The following KCNC2 variants were observed in gnomAD, a reference collection of about 807,000 sequenced individuals.
KCNC2 encodes the protein potassium voltage-gated channel subfamily C member 2, also known as voltage-gated potassium channel KCNC2.
KCNC2 carries 21 observed loss-of-function variants against 44.5 expected under a neutral mutation model. The observed-to-expected ratio is 0.47, with a 90% CI of 0.33 to 0.68. The LOEUF (loss-of-function observed/expected upper bound fraction) is 0.68, where lower values mean the gene tolerates loss of function less well. Among genes scored for constraint, KCNC2 ranks in the 30% least tolerant of loss-of-function variants. KCNC2 has a pLI of 0.01. For synonymous variants in KCNC2, 391 were observed against 339.1 expected (o/e 1.15, Z -1.68); for missense variants, 589 against 826.2 (o/e 0.71, Z 3.52).
At chr12:75,053,796 C>T (rs1881445993) in intron 2 of KCNC2, among the ~76,000 whole-genome samples, 1 of 146,264 alleles carries the variant, frequency 6.8e-6, no homozygotes, top group East Asian at 2.0e-4. Context: ...TTATATATAA[C>T]ATATATAAAT....
At chr12:75,190,581 C>T (rs2030108881) in intron 2 of KCNC2, among the ~76,000 whole-genome samples, 1 of 152,074 alleles carries the variant, frequency 6.6e-6, no homozygotes, top group African/African-American at 2.4e-5. Context: ...AACAAAATTG[C>T]ACATCAAAAA....
chr12:75,194,328 A>C (rs1207581883), intron 2 of KCNC2, among the ~76,000 whole-genome samples: 2 of 152,312 alleles, frequency 1.3e-5, no homozygotes, highest in East Asian at 3.9e-4. Context: ...CATCATGTGA[A>C]GATGGAGATG....
intron 2 of KCNC2, among the ~76,000 whole-genome samples, chr12:75,123,738 T>C (rs111489641): frequency 4.6e-5 from 7 of 152,274 alleles, no homozygotes; most frequent in African/African-American, 1.7e-4. Flanking sequence ...GGTGGAAAAC[T>C]TGGAGACCTG....
intron 2 of KCNC2, among the ~76,000 whole-genome samples, chr12:75,063,592 G>C (rs769498901): frequency 3.9e-5 from 6 of 152,082 alleles, no homozygotes; most frequent in Non-Finnish European, 8.8e-5. Flanking sequence ...GAGGGTGATG[G>C]TGGGGGAGAG....
chr12:75,092,674 A>G lies in KCNC2; in HGVS notation c.688-41357T>C, dbSNP rs1430482676. On this transcript the variant is annotated intron_variant, in intron 2 of 4. Transcript: ENST00000549446. Reference sequence around the variant, plus strand: ...ACTCAATTGTACAAAACTCTAAACAACACAAAAACATTAAAATTTTATAGT... The same window carrying G: ...ACTCAATTGTACAAAACTCTAAACAGCACAAAAACATTAAAATTTTATAGT... 4.6e-5 allele frequency among the ~76,000 whole-genome samples: 7 copies of G among 151,652 alleles called. No homozygotes were observed. In the East Asian group the frequency reaches 1.4e-3, roughly 29 times the overall value.
In KCNC2 at chr12:75,081,876, A is replaced by C. The variant is rs1221220390; in HGVS notation, c.688-30559T>G. On this transcript the variant is annotated intron_variant, in intron 2 of 4. Transcript: ENST00000549446. ...AACTGATTGTTACCTAGACACCTAA[A>C]CTGTACCAAATCTACAAGAGCCTTT... Among the ~76,000 whole-genome samples the C allele has an allele frequency of 2.0e-5, 3 of 151,990 alleles. No homozygotes were observed. In the East Asian group the frequency reaches 5.8e-4, roughly 29 times the overall value.
At chr12:75,117,321 G>T (rs1245342272) in intron 2 of KCNC2, among the ~76,000 whole-genome samples, 1 of 152,112 alleles carries the variant, frequency 6.6e-6, no homozygotes, top group Non-Finnish European at 1.5e-5. Context: ...GGCTGGTCCT[G>T]CATTTCTTTT....
At chr12:75,151,045 A>T (rs115477632) in intron 2 of KCNC2, among the ~76,000 whole-genome samples, 1 of 152,086 alleles carries the variant, frequency 6.6e-6, no homozygotes, top group African/African-American at 2.4e-5. Flanking sequence ...TTTTATCTTA[A>T]CAGTTTTTGC....
chr12:75,109,988 G>GA (rs5799210), intron 2 of KCNC2, among the ~76,000 whole-genome samples: 27,868 of 151,406 alleles, frequency 0.18, 2,764 homozygotes, highest in Middle Eastern at 0.27. Context: ...AAAACACAGA[G>GA]AAAAAATACA....
At chr12:75,118,857 C>A (rs998664030) in intron 2 of KCNC2, among the ~76,000 whole-genome samples, 1 of 152,142 alleles carries the variant, frequency 6.6e-6, no homozygotes, top group Admixed American at 6.5e-5. Flanking sequence ...GAACATCTAA[C>A]CGGACAGAAT....
chr12:75,191,233 T>A (rs1405445326), intron 2 of KCNC2, among the ~76,000 whole-genome samples: 1 of 151,678 alleles, frequency 6.6e-6, no homozygotes, highest in Non-Finnish European at 1.5e-5. Context: ...TTCTTGCCTG[T>A]GAAGGTTAAA....
At chr12:75,198,755 C>T (rs75767198) in intron 2 of KCNC2, among the ~76,000 whole-genome samples, 297 of 151,754 alleles carry the variant, frequency 2.0e-3, no homozygotes, top group Non-Finnish European at 3.4e-3. Flanking sequence ...ATCAAGAACC[C>T]CATATCTGAA....
At chr12:75,077,960 A>G (rs945724837) in intron 2 of KCNC2, among the ~76,000 whole-genome samples, 3 of 152,134 alleles carry the variant, frequency 2.0e-5, no homozygotes, top group African/African-American at 7.2e-5. Flanking sequence ...TTCTACCAGG[A>G]AATCCATAGT....
rs1011454959 is a variant in KCNC2 at position 75,164,592 on chromosome 12, G to C, written c.687+42705C>G. Among the ~76,000 whole-genome samples the C allele has an allele frequency of 3.3e-5, 5 of 151,802 alleles. No homozygotes were observed. The East Asian group carries it at 7.8e-4, about 24-fold the overall frequency. On this transcript the variant is annotated intron_variant, in intron 2 of 4. Transcript: ENST00000549446. Reference sequence around the variant, plus strand: ...GGAGTGCATTCCTCTGGACTAAACTGCTGCCAGGTAGAATTCTGGTAACAA... The same window carrying C: ...GGAGTGCATTCCTCTGGACTAAACTCCTGCCAGGTAGAATTCTGGTAACAA...
chr12:75,180,939 C>G (rs1446607281), intron 2 of KCNC2, among the ~76,000 whole-genome samples: 1 of 152,062 alleles, frequency 6.6e-6, no homozygotes, highest in Admixed American at 6.6e-5. Context: ...CCAAAAAAAT[C>G]AATTTCTTCA....
At chr12:75,155,565 A>T (rs1023485845) in intron 2 of KCNC2, among the ~76,000 whole-genome samples, 1 of 151,810 alleles carries the variant, frequency 6.6e-6, no homozygotes, top group African/African-American at 2.4e-5. Context: ...AAATGAAGAT[A>T]ATTTGACTTT....
intron 2 of KCNC2, among the ~76,000 whole-genome samples, chr12:75,067,631 T>C (rs1193942277): frequency 6.6e-6 from 1 of 152,148 alleles, no homozygotes; most frequent in Admixed American, 6.5e-5. Flanking sequence ...AAAAATAATA[T>C]CCAAAATCTT....
intron 2 of KCNC2, among the ~76,000 whole-genome samples, chr12:75,073,956 G>A (rs1208529816): frequency 2.6e-5 from 4 of 152,070 alleles, no homozygotes; most frequent in Non-Finnish European, 5.9e-5. Context: ...TCAGTTCCAC[G>A]TACAGTAGCA....
intron 2 of KCNC2, among the ~76,000 whole-genome samples, chr12:75,146,544 A>T (rs1220407847): frequency 6.6e-6 from 1 of 152,178 alleles, no homozygotes; most frequent in East Asian, 1.9e-4. Flanking sequence ...TATTTCTTTA[A>T]TCCATCTCTG....
Sources: allele counts gnomAD v4.1 joint callset (sites outside exome capture counted in the v4.1 genomes callset), GRCh38; gene constraint gnomAD v4.1.1; transcripts MANE v1.5; gene names NCBI Gene and HGNC (gene_info 2026-07-23, HGNC 2026-07-21).